ADGRB3: variants seen among roughly 807,000 people sequenced by gnomAD.
ADGRB3 encodes brain-specific angiogenesis inhibitor 3.
A neutral mutation model predicts 193.4 loss-of-function variants in ADGRB3; 37 were observed. The observed-to-expected ratio is 0.19, with a 90% CI of 0.15 to 0.25. The LOEUF is 0.25. ADGRB3 is among the 10% of genes least tolerant of loss of function. ADGRB3 has a pLI of 1.00. For synonymous variants in ADGRB3, 690 were observed against 644.2 expected, an observed-to-expected ratio of 1.07 and a Z score of -1.08; for missense variants, 1,637 against 1,852.9, an observed-to-expected ratio of 0.88 and a Z score of 2.14.
At chr6:68,642,752 TG>T (rs1768110674) in intron 3 of ADGRB3, among the ~76,000 whole-genome samples, 1 of 150,918 alleles carries the variant, frequency 6.6e-6, no homozygotes, top group South Asian at 2.1e-4. Context: ...CAAATAAAAA[TG>T]TCTTATTTCA....
chr6:69,058,968 T>C (rs1771632970), intron 15 of ADGRB3, among the ~76,000 whole-genome samples: 1 of 152,094 alleles, frequency 6.6e-6, no homozygotes. Context: ...CCAATTCATC[T>C]ATAATGTTAT....
At position 68,988,064 on chromosome 6, in the gene ADGRB3, A is replaced by G. The variant is rs117166443; in HGVS notation, c.1735-5704A>G. ...TGTGGATTATAGTTGAAAGTAAAAT[A>G]AAATCCTCCTGTAGTTTTAGTTCAA... On this transcript the variant is annotated intron_variant, in intron 10 of 31. Transcript: ENST00000370598. Among the ~76,000 whole-genome samples, 1,079 of 152,268 alleles carry G rather than the reference A, an allele frequency of 7.1e-3. 19 individuals are homozygous for G. Among genetic ancestry groups the G allele is most frequent in the Middle Eastern group, 0.031 (9 of 294 alleles).
intron 11 of ADGRB3, among the ~76,000 whole-genome samples, chr6:69,011,870 G>A (rs993880553): frequency 9.9e-5 from 15 of 152,040 alleles, no homozygotes; most frequent in African/African-American, 2.7e-4. Context: ...TAGTCAGGGC[G>A]CTACTACTGA....
chr6:69,180,053 A>C (rs1420903024), intron 17 of ADGRB3, among the ~76,000 whole-genome samples: 1 of 152,240 alleles, frequency 6.6e-6, no homozygotes, highest in Non-Finnish European at 1.5e-5. Context: ...CTGAGGGACT[A>C]TCCAGTGGAT....
chr6:69,119,380 G>A (rs1773622829), intron 17 of ADGRB3, among the ~76,000 whole-genome samples: 3 of 151,952 alleles, frequency 2.0e-5, no homozygotes, highest in Admixed American at 6.6e-5. Context: ...AAAGATCCCC[G>A]TTCTCTTGGA....
chr6:69,214,008 T>G (rs531791160), intron 17 of ADGRB3, among the ~76,000 whole-genome samples: 229 of 152,086 alleles, frequency 1.5e-3, no homozygotes, highest in African/African-American at 5.1e-3. Context: ...AATATGCTAT[T>G]TATAAATGAC....
intron 15 of ADGRB3, among the ~76,000 whole-genome samples, chr6:69,054,823 T>A (rs929449859): frequency 6.6e-6 from 1 of 152,168 alleles, no homozygotes; most frequent in Non-Finnish European, 1.5e-5. Flanking sequence ...GTAGCAGCTG[T>A]CAACTGATTT....
intron 17 of ADGRB3, among the ~76,000 whole-genome samples, chr6:69,116,355 C>A (rs544283333): frequency 2.8e-4 from 42 of 152,132 alleles, no homozygotes; most frequent in Non-Finnish European, 4.9e-4. Context: ...AACACTGCGC[C>A]CACACACACC....
intron 17 of ADGRB3, among the ~76,000 whole-genome samples, chr6:69,122,395 G>A (rs1440990659): frequency 6.8e-6 from 1 of 146,982 alleles, no homozygotes; most frequent in Non-Finnish European, 1.5e-5. Flanking sequence ...GCTGCAGCCA[G>A]CCAAGACCAC....
chr6:69,265,379 G>C (rs528309585), intron 20 of ADGRB3, among the ~76,000 whole-genome samples: 1 of 151,600 alleles, frequency 6.6e-6, no homozygotes, highest in African/African-American at 2.4e-5. Flanking sequence ...CCTAGCCCCC[G>C]TCCACAAGAA....
At chr6:69,023,395 A>G (rs561193920) in intron 13 of ADGRB3, among the ~76,000 whole-genome samples, 1 of 152,276 alleles carries the variant, frequency 6.6e-6, no homozygotes, top group African/African-American at 2.4e-5. Context: ...CATTTAATGT[A>G]GACTTTGAAG....
At chr6:68,643,535 A>G (rs1695629637) in intron 3 of ADGRB3, among the ~76,000 whole-genome samples, 2 of 149,212 alleles carry the variant, frequency 1.3e-5, no homozygotes, top group Admixed American at 6.8e-5. Context: ...CCTTGAAGAA[A>G]CAGCCTGACA....
At chr6:69,120,145 A>G (rs567225884) in intron 17 of ADGRB3, among the ~76,000 whole-genome samples, 3 of 152,356 alleles carry the variant, frequency 2.0e-5, no homozygotes, top group African/African-American at 7.2e-5. Flanking sequence ...GGAAGAAATT[A>G]CAAATGGATC....
intron 3 of ADGRB3, among the ~76,000 whole-genome samples, chr6:68,735,196 CG>C (rs1268566920): frequency 6.6e-6 from 1 of 151,518 alleles, no homozygotes; most frequent in East Asian, 1.9e-4. Context: ...AAAATATTGT[CG>C]AATGAATGAA....
chr6:68,852,677 A>G (rs1166787881), intron 3 of ADGRB3, among the ~76,000 whole-genome samples: 1 of 152,042 alleles, frequency 6.6e-6, no homozygotes, highest in Admixed American at 6.6e-5. Context: ...AGGAGGAAGA[A>G]AAAAGCTATA....
At chr6:69,278,796 G>C (rs1164950951) in intron 20 of ADGRB3, among the ~76,000 whole-genome samples, 1 of 151,514 alleles carries the variant, frequency 6.6e-6, no homozygotes, top group African/African-American at 2.4e-5. Context: ...CTGTAAATTG[G>C]GAGTAATAAT....
intron 3 of ADGRB3, among the ~76,000 whole-genome samples, chr6:68,874,032 T>G (rs1261047977): frequency 6.6e-6 from 1 of 152,110 alleles, no homozygotes; most frequent in Non-Finnish European, 1.5e-5. Context: ...GATCTCTGGA[T>G]GCTAATATTC....
intron 17 of ADGRB3, among the ~76,000 whole-genome samples, chr6:69,193,932 G>T (rs910568715): frequency 6.6e-6 from 1 of 152,056 alleles, no homozygotes; most frequent in Non-Finnish European, 1.5e-5. Flanking sequence ...AGTTTATTCT[G>T]CTCTTTGGCT....
intron 5 of ADGRB3, among the ~76,000 whole-genome samples, chr6:68,939,248 A>G (rs1377873137): frequency 6.6e-6 from 1 of 152,172 alleles, no homozygotes; most frequent in East Asian, 1.9e-4. Flanking sequence ...TGCCTGAGGT[A>G]GCAATTTTTT....
Sources: gnomAD v4.1 joint callset for allele counts (sites outside exome capture counted in the v4.1 genomes callset) on GRCh38, gnomAD v4.1.1 for gene constraint, MANE v1.5 for transcripts, NCBI Gene and HGNC (gene_info 2026-07-23, HGNC 2026-07-21) for gene names.